TTC28: variants seen among roughly 807,000 people sequenced by gnomAD.
TTC28 encodes the protein tetratricopeptide repeat domain 28.
A neutral mutation model predicts 198.0 loss-of-function variants in TTC28; 61 were observed. The ratio of observed to expected loss-of-function variants is 0.31; its 90% CI spans 0.25 to 0.38. The LOEUF (loss-of-function observed/expected upper bound fraction) is 0.38. Among genes scored for constraint, TTC28 ranks in the 10% least tolerant of loss-of-function variants. The probability of loss-of-function intolerance (pLI) is 1.00; values close to 1 mark genes in which losing one functional copy is unlikely to be tolerated. For synonymous variants in TTC28, 1,171 were observed against 1,297.8 expected, an observed-to-expected ratio of 0.90 and a Z score of 2.10; for missense variants, 2,678 against 3,164.0, an observed-to-expected ratio of 0.85 and a Z score of 3.69.
chr22:28,389,689 T>A (rs1291048431), intron 2 of TTC28, among the ~76,000 whole-genome samples: 4 of 150,472 alleles, frequency 2.7e-5, no homozygotes, highest in African/African-American at 4.9e-5. Flanking sequence ...AGTGGTGATA[T>A]CCCCTTTATC....
chr22:28,399,336 T>TG lies in TTC28; in HGVS notation c.382-92694dup, dbSNP rs1555986706. Among the ~76,000 whole-genome samples the TG allele has an allele frequency of 2.2e-3, 305 of 141,754 alleles. 6 individuals are homozygous for TG. Among genetic ancestry groups the TG allele is most frequent in the African/African-American group, 7.4e-3 (289 of 39,102 alleles). The allele number at this position is 141,754 out of a possible 152,430, so 93.0% of individuals were successfully genotyped here. Reference sequence around the variant, plus strand: ...AAAACTGTTTTTTTTTTTTTTTTTTTGAGACAGGCTTGCTCTGTCACATAG... The same window carrying TG: ...AAAACTGTTTTTTTTTTTTTTTTTTTGGAGACAGGCTTGCTCTGTCACATAG... On this transcript the variant is annotated intron_variant, in intron 2 of 22. Coordinates refer to ENST00000397906, the MANE Select transcript of TTC28 (RefSeq NM_001145418.2).
At chr22:28,284,287 G>T (rs566959319) in intron 5 of TTC28, among the ~76,000 whole-genome samples, 1 of 152,088 alleles carries the variant, frequency 6.6e-6, no homozygotes, top group African/African-American at 2.4e-5. Flanking sequence ...TTCTACAGTG[G>T]GGGGAAGAAC....
chr22:28,147,961 A>C (rs1471257391), intron 6 of TTC28, among the ~76,000 whole-genome samples: 1 of 152,210 alleles, frequency 6.6e-6, no homozygotes, highest in Non-Finnish European at 1.5e-5. Context: ...TAGACTATTA[A>C]GTTCATGTAC....
chr22:28,067,800 A>G (rs1940820670), intron 12 of TTC28, among the ~76,000 whole-genome samples: 1 of 152,226 alleles, frequency 6.6e-6, no homozygotes, highest in African/African-American at 2.4e-5. Context: ...TTCATTATAG[A>G]CACTTCACAG....
chr22:28,356,805 G>A (rs1034410524), intron 2 of TTC28, among the ~76,000 whole-genome samples: 3 of 152,104 alleles, frequency 2.0e-5, no homozygotes, highest in Non-Finnish European at 4.4e-5. Context: ...GCGGGTTCAC[G>A]TCCCAGCACA....
intron 12 of TTC28, among the ~76,000 whole-genome samples, chr22:28,084,854 C>T (rs545386900): frequency 1.3e-5 from 2 of 152,196 alleles, no homozygotes; most frequent in East Asian, 1.9e-4. Context: ...ATGAGAACTA[C>T]GTGATGAATG....
intron 2 of TTC28, among the ~76,000 whole-genome samples, chr22:28,476,673 C>T (rs1233115918): frequency 6.6e-6 from 1 of 152,114 alleles, no homozygotes; most frequent in Admixed American, 6.5e-5. Flanking sequence ...ATTTGCATTT[C>T]CTTGACTAGT....
intron 2 of TTC28, among the ~76,000 whole-genome samples, chr22:28,333,998 AC>A (rs1569266007): frequency 2.0e-5 from 1 of 49,034 alleles, no homozygotes; most frequent in Non-Finnish European, 4.2e-5. Flanking sequence ...CTATCCCTCC[AC>A]CCTCCCCCCA....
intron 2 of TTC28, among the ~76,000 whole-genome samples, chr22:28,344,899 T>G (rs967450910): frequency 1.3e-5 from 2 of 152,180 alleles, no homozygotes; most frequent in African/African-American, 4.8e-5. Context: ...TCAGACATTT[T>G]ACATAAATTA....
chr22:28,257,737 A>AATATATATATAT (rs1931029723), intron 5 of TTC28, among the ~76,000 whole-genome samples: 1 of 64,958 alleles, frequency 1.5e-5, no homozygotes, highest in Admixed American at 1.9e-4. Flanking sequence ...ATGGTAATAG[A>AATATATATATAT]ACATATATAT....
intron 2 of TTC28, among the ~76,000 whole-genome samples, chr22:28,455,588 T>C (rs2047847011): frequency 6.6e-6 from 1 of 151,940 alleles, no homozygotes; most frequent in Non-Finnish European, 1.5e-5. Context: ...CCTGTGCATG[T>C]CTGTAATCCT....
At chr22:28,186,683 A>G (rs1352414100) in intron 5 of TTC28, among the ~76,000 whole-genome samples, 1 of 152,202 alleles carries the variant, frequency 6.6e-6, no homozygotes. Context: ...GAAATCATGT[A>G]GTTTTACGGA....
At chr22:28,575,346 T>C (rs915642097) in intron 2 of TTC28, among the ~76,000 whole-genome samples, 4 of 152,216 alleles carry the variant, frequency 2.6e-5, no homozygotes, top group South Asian at 2.1e-4. Context: ...TGTACGGATT[T>C]GTTTCTACGC....
At chr22:28,432,677 T>A (rs879308036) in intron 2 of TTC28, among the ~76,000 whole-genome samples, 5 of 152,236 alleles carry the variant, frequency 3.3e-5, no homozygotes, top group Non-Finnish European at 5.9e-5. Context: ...GCAGTTATGA[T>A]TTACTTATCA....
intron 2 of TTC28, among the ~76,000 whole-genome samples, chr22:28,628,577 T>C (rs1239473601): frequency 6.6e-6 from 1 of 152,130 alleles, no homozygotes; most frequent in Non-Finnish European, 1.5e-5. Flanking sequence ...CAACTTTATA[T>C]CCTTGGATCT....
At chr22:28,510,943 T>C (rs1486461018) in intron 2 of TTC28, among the ~76,000 whole-genome samples, 1 of 152,032 alleles carries the variant, frequency 6.6e-6, no homozygotes, top group East Asian at 1.9e-4. Context: ...GGAATACAGC[T>C]AACAAGAGAG....
intron 2 of TTC28, among the ~76,000 whole-genome samples, chr22:28,360,386 C>G (rs559227600): frequency 6.6e-6 from 1 of 152,166 alleles, no homozygotes; most frequent in African/African-American, 2.4e-5. Flanking sequence ...TCCTTGATAC[C>G]CTGCAATAAA....
intron 12 of TTC28, among the ~76,000 whole-genome samples, chr22:28,041,614 T>G (rs975699209): frequency 4.6e-5 from 7 of 152,250 alleles, no homozygotes; most frequent in African/African-American, 1.4e-4. Flanking sequence ...ATGTTAGACC[T>G]AAAACCATAA....
chr22:28,465,087 G>T (rs956355722), intron 2 of TTC28, among the ~76,000 whole-genome samples: 1 of 152,120 alleles, frequency 6.6e-6, no homozygotes, highest in Non-Finnish European at 1.5e-5. Flanking sequence ...AAACATCATA[G>T]ATTTACATTT....
Sources: gnomAD v4.1 joint callset for allele counts (sites outside exome capture counted in the v4.1 genomes callset) on GRCh38, gnomAD v4.1.1 for gene constraint, MANE v1.5 for transcripts, NCBI Gene and HGNC (gene_info 2026-07-23, HGNC 2026-07-21) for gene names.